Variants in ABCA4 observed in about 807,000 individuals in gnomAD.
ABCA4 encodes ATP binding cassette subfamily A member 4.
A neutral mutation model predicts 263.7 loss-of-function variants in ABCA4; 196 were observed. That is an observed-to-expected ratio of 0.74 (90% CI 0.66 to 0.84). The LOEUF (loss-of-function observed/expected upper bound fraction) is 0.84, where lower values mean the gene tolerates loss of function less well. Among genes scored for constraint, ABCA4 ranks in the 40% least tolerant of loss-of-function variants. ABCA4 has a pLI of 0.00. For missense variants in ABCA4, 2,792 were observed against 2,855.1 expected (o/e 0.98, Z 0.50); for synonymous variants, 1,133 against 1,094.2 (o/e 1.04, Z -0.70).
chr1:94,098,248 C>T (rs1662183339), intron 6 of ABCA4, among the ~76,000 whole-genome samples: 2 of 152,162 alleles, frequency 1.3e-5, no homozygotes, highest in South Asian at 4.1e-4. Context: ...GACTATGAAA[C>T]TTTCTCTGTC....
chr1:94,063,331 C>T lies in ABCA4; in HGVS notation c.1555-14G>A. ...CAGGACCAAGCACTGCAGAGAGTCACAAAGTTGAGAGAGTGTGAGGAGGAC... is the reference window on the plus strand; with the variant it reads ...CAGGACCAAGCACTGCAGAGAGTCATAAAGTTGAGAGAGTGTGAGGAGGAC... On this transcript the variant is annotated splice_polypyrimidine_tract_variant and intron_variant, in intron 11 of 49. Coordinates refer to ENST00000370225, the MANE Select transcript of ABCA4 (RefSeq NM_000350.3). The T allele has an allele frequency of 6.2e-7, 1 of 1,613,502 alleles. No homozygotes were observed. The highest frequency in any genetic ancestry group is 8.5e-7 in the Non-Finnish European group (1 of 1,179,506).
Position 94,030,635 on chromosome 1 carries a change from C to G in ABCA4, c.4254-109G>C, listed in dbSNP as rs910841504. On this transcript the variant is annotated intron_variant, in intron 28 of 49. Coordinates refer to ENST00000370225, the MANE Select transcript of ABCA4 (RefSeq NM_000350.3). ...GTGTGCCAGGTATGTATTGGAGGCA[C>G]CGAATGCTGCCTTGGGATGGCGCTA... is the stretch of plus-strand genomic sequence containing the variant. 6 of 1,077,854 alleles carry G rather than the reference C, an allele frequency of 5.6e-6. No individual in the cohort carries two copies. In the African/African-American group the frequency reaches 7.7e-5, roughly 14 times the overall value. The allele number at this position is 1,077,854 out of a possible 1,614,324, so 66.8% of individuals were successfully genotyped here.
Position 94,030,496 on chromosome 1 carries a change from C to A in ABCA4, c.4284G>T (p.Thr1428=), listed in dbSNP as rs146715683. The A allele has an allele frequency of 6.2e-7, 1 of 1,614,110 alleles. No homozygotes were observed. The highest frequency in any genetic ancestry group is 8.5e-7 in the Non-Finnish European group (1 of 1,180,044). ...TATTCAGGAGGACGTCTGCAAGTAC[C>A]GTGAACTGCTCACTGCCTGGTTCAT... ...SMDEPGSEQF[T]VLADVLLNKP... is the part of the protein sequence containing the mutation. Residue 1428 remains threonine, a synonymous_variant, in exon 29 of 50, where the codon ACG becomes ACT. Coordinates refer to ENST00000370225, the MANE Select transcript of ABCA4 (RefSeq NM_000350.3).
chr1:94,057,698 T>C (rs1661018496), intron 14 of ABCA4, among the ~76,000 whole-genome samples: 2 of 152,208 alleles, frequency 1.3e-5, no homozygotes, highest in South Asian at 2.1e-4. Context: ...CATTAACCAA[T>C]GAATCAATCA....
intron 20 of ABCA4, 119 bp downstream of exon 20, chr1:94,044,494 A>G: frequency 2.7e-6 from 4 of 1,478,260 alleles, no homozygotes. Context: ...AAACCAAATA[A>G]GAGTCTGTAT....
At chr1:94,107,041 A>G (rs997838013) in intron 4 of ABCA4, among the ~76,000 whole-genome samples, 1 of 152,168 alleles carries the variant, frequency 6.6e-6, no homozygotes, top group African/African-American at 2.4e-5. Context: ...AGCTGCACGC[A>G]TGCACGGGAA....
chr1:94,083,612 T>C (rs1661760204), intron 6 of ABCA4, among the ~76,000 whole-genome samples, 171 bp from the exon 7 acceptor site: 1 of 152,232 alleles, frequency 6.6e-6, no homozygotes, highest in Non-Finnish European at 1.5e-5. Context: ...TTTTATTTAA[T>C]TGAAAAAATA....
intron 37 of ABCA4, among the ~76,000 whole-genome samples, chr1:94,015,235 C>T (rs967970352): frequency 6.6e-6 from 1 of 152,204 alleles, no homozygotes; most frequent in Non-Finnish European, 1.5e-5. Flanking sequence ...TTCAAATTTA[C>T]ACACGTGGGA....
Position 94,040,052 on chromosome 1 carries a change from C to T in ABCA4, c.3598G>A (p.Val1200Ile). ...AHVDDLTPEQ[V>I]LDGDVNELMD... ...CCCGTCCAGTCCTTACCATCCAGGACTTGTTCTGGAGTTAGGTCATCGACG... is the reference window on the plus strand; with the variant it reads ...CCCGTCCAGTCCTTACCATCCAGGATTTGTTCTGGAGTTAGGTCATCGACG... Residue 1200 changes from valine to isoleucine, a missense_variant, in exon 24 of 50, where the codon GTC (valine) becomes ATC (isoleucine). By Grantham distance (29) the Val-to-Ile change is conservative. Transcript: ENST00000370225. The T allele has an allele frequency of 6.2e-7, 1 of 1,605,076 alleles. No homozygotes were observed. Among genetic ancestry groups the T allele is most frequent in the Non-Finnish European group, 8.5e-7 (1 of 1,175,182 alleles).
chr1:94,000,905 C>T lies in ABCA4; in HGVS notation c.6410G>A (p.Cys2137Tyr), dbSNP rs1659154730. 6.2e-7 allele frequency: 1 copy of T among 1,614,220 alleles called. No homozygotes were observed. Among genetic ancestry groups the T allele is most frequent in the Non-Finnish European group, 8.5e-7 (1 of 1,180,042 alleles). The change falls in exon 47 of 50, where the codon TGT becomes TAT. Residue 2137 changes from cysteine (C) to tyrosine (Y), a missense_variant. Transcript: ENST00000370225. Reference protein sequence around the residue: ...SHSMEECEALCTRLAIMVKGA... With the variant: ...SHSMEECEALYTRLAIMVKGA... Reference sequence around the variant, plus strand: ...CTTTACCATGATGGCCAGCCGGGTACACAGTGCCTCACATTCTTCCATGCT... The same window carrying T: ...CTTTACCATGATGGCCAGCCGGGTATACAGTGCCTCACATTCTTCCATGCT...
intron 4 of ABCA4, among the ~76,000 whole-genome samples, chr1:94,104,223 C>A (rs190542157): frequency 6.6e-6 from 1 of 152,202 alleles, no homozygotes; most frequent in Non-Finnish European, 1.5e-5. Flanking sequence ...AGAGAAGAGC[C>A]TTATGGGCCT....
intron 36 of ABCA4, among the ~76,000 whole-genome samples, chr1:94,016,977 C>G (rs1659764347): frequency 6.6e-6 from 1 of 152,060 alleles, no homozygotes; most frequent in Admixed American, 6.5e-5. Flanking sequence ...GGACCCAAGT[C>G]AAGACGATAC....
chr1:94,116,593 G>C (rs933611282), intron 1 of ABCA4, among the ~76,000 whole-genome samples: 1 of 152,074 alleles, frequency 6.6e-6, no homozygotes, highest in South Asian at 2.1e-4. Context: ...CATTTCACGC[G>C]TCACTCCCTG....
At chr1:94,004,264 A>G (rs1659307539) in intron 44 of ABCA4, among the ~76,000 whole-genome samples, 1 of 152,078 alleles carries the variant, frequency 6.6e-6, no homozygotes, top group Non-Finnish European at 1.5e-5. Flanking sequence ...TCCCAGTGCT[A>G]CCTCCGGTTC....
intron 49 of ABCA4, among the ~76,000 whole-genome samples, 166 bp downstream of exon 49, chr1:93,995,943 A>G (rs965431739): frequency 2.6e-5 from 4 of 152,210 alleles, no homozygotes; most frequent in South Asian, 2.1e-4. Flanking sequence ...GGACTTAGCA[A>G]GGATGTGATG....
intron 35 of ABCA4, among the ~76,000 whole-genome samples, chr1:94,020,075 C>G (rs1454593846): frequency 3.3e-5 from 5 of 152,164 alleles, no homozygotes; most frequent in African/African-American, 4.8e-5. Context: ...CTGCAATGCT[C>G]TCATTAGCTC....
chr1:94,096,875 G>A (rs1335734738), intron 6 of ABCA4, among the ~76,000 whole-genome samples: 2 of 152,196 alleles, frequency 1.3e-5, no homozygotes, highest in Non-Finnish European at 2.9e-5. Flanking sequence ...CCCAGGCCCT[G>A]CCTGCAAAGC....
At chr1:94,030,038 TC>T (rs1464462983) in intron 29 of ABCA4, among the ~76,000 whole-genome samples, 26 of 152,276 alleles carry the variant, frequency 1.7e-4, no homozygotes, top group Admixed American at 1.3e-3. Context: ...CTAACTCCCT[TC>T]TCCAGACTCA....
intron 6 of ABCA4, among the ~76,000 whole-genome samples, chr1:94,086,317 G>T (rs909717207): frequency 3.3e-5 from 5 of 152,150 alleles, no homozygotes; most frequent in African/African-American, 9.7e-5. Context: ...ACTAAGGAAG[G>T]TTCTGTAAGA....
Sources: gnomAD v4.1 joint callset for allele counts (sites outside exome capture counted in the v4.1 genomes callset) on GRCh38, gnomAD v4.1.1 for gene constraint, MANE v1.5 for transcripts, NCBI Gene and HGNC (gene_info 2026-07-23, HGNC 2026-07-21) for gene names.